The following SLC25A25 variants were observed in gnomAD, a reference collection of about 807,000 sequenced individuals.
SLC25A25 encodes the protein solute carrier family 25 member 25, also known as mitochondrial adenyl nucleotide antiporter SLC25A25.
SLC25A25 carries 32 observed loss-of-function variants against 57.7 expected under a neutral mutation model. The ratio of observed to expected loss-of-function variants is 0.55; its 90% CI spans 0.42 to 0.74. The LOEUF is 0.74. Among genes scored for constraint, SLC25A25 ranks in the 30% least tolerant of loss-of-function variants. The pLI, the probability that SLC25A25 is intolerant of heterozygous loss-of-function variation, is 0.00. For synonymous variants in SLC25A25, 306 were observed against 291.2 expected (o/e 1.05, Z -0.52); for missense variants, 556 against 701.3 (o/e 0.79, Z 2.34).
chr9:128,100,072 T>G (rs1481026099), intron 1 of SLC25A25, among the ~76,000 whole-genome samples: 1 of 152,104 alleles, frequency 6.6e-6, no homozygotes, highest in Non-Finnish European at 1.5e-5. Flanking sequence ...CGGCCCAACT[T>G]GCATCCCGCC....
Position 128,102,316 on chromosome 9 carries a change from G to A in SLC25A25, c.513-54G>A. ...TTGGCTCACTGGGAGGTGGGGGGAT[G>A]CAGCTGGCGGATGGGCATGTGGGCA... On this transcript the variant is annotated intron_variant, in intron 4 of 10. Transcript: ENST00000373069. This position sits in a 1 kb window ranked among gnomAD's most constrained non-coding sequence, Gnocchi z 4.1. The A allele has an allele frequency of 6.6e-7, 1 of 1,522,326 alleles. No homozygotes were observed. Among genetic ancestry groups the A allele is most frequent in the Non-Finnish European group, 9.1e-7 (1 of 1,100,582 alleles). The allele number at this position is 1,522,326 out of a possible 1,614,324, so 94.3% of individuals were successfully genotyped here.
rs192782064 is a variant in SLC25A25, at chr9:128,103,433, C to T, written c.625-248C>T. 4.6e-5 allele frequency among the ~76,000 whole-genome samples: 7 copies of T among 152,308 alleles called. No homozygotes were observed. Among genetic ancestry groups the T allele is most frequent in the Non-Finnish European group, 8.8e-5 (6 of 68,022 alleles). Reference sequence around the variant, plus strand: ...AAGGGCCGGTGAATGGTTTTCTAACCGGCACCTCCCGGCTGTGTTCAGCTG... The same window carrying T: ...AAGGGCCGGTGAATGGTTTTCTAACTGGCACCTCCCGGCTGTGTTCAGCTG... On this transcript the variant is annotated intron_variant, in intron 5 of 10. Coordinates refer to ENST00000373069, the MANE Select transcript of SLC25A25 (RefSeq NM_001330988.2). This position sits in a 1 kb window ranked among gnomAD's most constrained non-coding sequence, Gnocchi z 6.7.
At chr9:128,082,465 C>T (rs7036499) in intron 1 of SLC25A25, among the ~76,000 whole-genome samples, 112,919 of 151,954 alleles carry the variant, frequency 0.74, 43,773 homozygotes, top group Non-Finnish European at 0.85. Context: ...TTTCCGTTGG[C>T]TGATTGGTTC....
intron 1 of SLC25A25, among the ~76,000 whole-genome samples, chr9:128,072,345 A>G (rs1832925078): frequency 6.6e-6 from 1 of 152,190 alleles, no homozygotes; most frequent in Non-Finnish European, 1.5e-5. Context: ...GTCATCTGCC[A>G]TGGGAATAGA....
Position 128,101,934 on chromosome 9 carries a change from G to A in SLC25A25, c.477-146G>A. 3 of 939,756 alleles carry A rather than the reference G, an allele frequency of 3.2e-6. No homozygotes were observed. Among genetic ancestry groups the A allele is most frequent in the Non-Finnish European group, 3.3e-6 (2 of 606,398 alleles). 58.2% of individuals were successfully genotyped at this position (939,756 alleles called of 1,614,324 possible). On this transcript the variant is annotated intron_variant, in intron 3 of 10. Coordinates refer to ENST00000373069, the MANE Select transcript of SLC25A25 (RefSeq NM_001330988.2). This position sits in a 1 kb window ranked among gnomAD's most constrained non-coding sequence, Gnocchi z 4.9. ...CACTGGCTGGTCCTCGGGGACAGCA[G>A]CCCTGGGCTCAGCTGCTGTGGCGGG...
chr9:128,086,586 G>C (rs983501735), intron 1 of SLC25A25, among the ~76,000 whole-genome samples: 2 of 152,048 alleles, frequency 1.3e-5, no homozygotes, highest in Non-Finnish European at 2.9e-5. Context: ...ACCCGCCTCG[G>C]CCTCCCAAAG....
At position 128,102,493 on chromosome 9, in the gene SLC25A25, G is replaced by T; in HGVS notation, c.624+12G>T. 1 of 1,606,332 alleles carries T rather than the reference G, an allele frequency of 6.2e-7. No homozygotes were observed. The highest frequency in any genetic ancestry group is 8.5e-7 in the Non-Finnish European group (1 of 1,173,940). ...GGAAGCATTCCACGGTGAGCCCCAC[G>T]TGCCCAGGGCCCTCATCTGCTCCCA... On this transcript the variant is annotated intron_variant, in intron 5 of 10. Coordinates refer to ENST00000373069, the MANE Select transcript of SLC25A25 (RefSeq NM_001330988.2). This position sits in a 1 kb window ranked among gnomAD's most constrained non-coding sequence, Gnocchi z 4.1.
In SLC25A25 at chr9:128,103,638, C is replaced by T. The variant is rs1325510916; in HGVS notation, c.625-43C>T. On this transcript the variant is annotated intron_variant, in intron 5 of 10. Coordinates refer to ENST00000373069, the MANE Select transcript of SLC25A25 (RefSeq NM_001330988.2). The surrounding 1 kb of genome is among the most constrained non-coding windows in gnomAD (Gnocchi z 6.7). ...ACGGCGACAGGTGCCAGCAGCCTTG[C>T]CCCAAGGGTCCTGAGTCAGGCTTGT... 6.2e-7 allele frequency: 1 copy of T among 1,613,652 alleles called. No homozygotes were observed. The highest frequency in any genetic ancestry group is 2.2e-5 in the East Asian group (1 of 44,874).
rs1229361533 is a variant in SLC25A25, at chr9:128,101,440, AG to A, written c.476+47del. The A allele has an allele frequency of 6.2e-7, 1 of 1,601,490 alleles. No homozygotes were observed. The highest frequency in any genetic ancestry group is 8.5e-7 in the Non-Finnish European group (1 of 1,170,426). On this transcript the variant is annotated intron_variant, in intron 3 of 10. Transcript: ENST00000373069. This position sits in a 1 kb window ranked among gnomAD's most constrained non-coding sequence, Gnocchi z 4.9. ...TCTGTGTTTGGTTTAAGTGTGATGA[AG>A]GGAAGGCTCTGAGACTAACCCTCCG...
Position 128,102,612 on chromosome 9 carries a change from C to T in SLC25A25, c.624+131C>T. On this transcript the variant is annotated intron_variant, in intron 5 of 10. Transcript: ENST00000373069. The surrounding 1 kb of genome is among the most constrained non-coding windows in gnomAD (Gnocchi z 4.1). The stretch of plus-strand genomic sequence containing the variant: ...CCTCTTCCACAGGAGACTGTCCCCT[C>T]TTCTGCCAGCCCAGTAGAGCTGTCC... 4.4e-6 allele frequency: 3 copies of T among 687,770 alleles called. No individual in the cohort carries two copies. In the South Asian group the frequency reaches 5.5e-5, roughly 13 times the overall value. The allele number at this position is 687,770 out of a possible 1,614,324, so 42.6% of individuals were successfully genotyped here.
rs7047373 is a variant in SLC25A25 at position 128,095,883 on chromosome 9, C to A, written c.262-5213C>A. 0.028 allele frequency among the ~76,000 whole-genome samples: 4,297 copies of A among 152,230 alleles called. 201 individuals carry two copies. The highest frequency in any genetic ancestry group is 0.098 in the African/African-American group (4,066 of 41,516). ...AGTATCATTTTCAAATCTCAGATTT[C>A]TTTTGTTAAATACATTATAAAACTC... On this transcript the variant is annotated intron_variant, in intron 1 of 10. Transcript: ENST00000373069. The surrounding 1 kb of genome is among the most constrained non-coding windows in gnomAD (Gnocchi z 4.4).
chr9:128,102,687 T>G lies in SLC25A25; in HGVS notation c.624+206T>G, dbSNP rs1833855119. Among the ~76,000 whole-genome samples the G allele has an allele frequency of 6.6e-6, 1 of 152,148 alleles. No individual in the cohort carries two copies. The highest frequency in any genetic ancestry group is 1.5e-5 in the Non-Finnish European group (1 of 68,014). Reference sequence around the variant, plus strand: ...CCAGCCAACCTGAACAGCCCCATCGTTCACACACACAGGCTTCCTCTTCCA... The same window carrying G: ...CCAGCCAACCTGAACAGCCCCATCGGTCACACACACAGGCTTCCTCTTCCA... On this transcript the variant is annotated intron_variant, in intron 5 of 10. Coordinates refer to ENST00000373069, the MANE Select transcript of SLC25A25 (RefSeq NM_001330988.2). The surrounding 1 kb of genome is among the most constrained non-coding windows in gnomAD (Gnocchi z 4.1).
At chr9:128,075,781 T>C (rs1416785664) in intron 1 of SLC25A25, among the ~76,000 whole-genome samples, 1 of 151,736 alleles carries the variant, frequency 6.6e-6, no homozygotes, top group Admixed American at 6.6e-5. Flanking sequence ...GAGGCGGAGG[T>C]TGCAGTGAGC....
At position 128,099,178 on chromosome 9, in the gene SLC25A25, C is replaced by CT; in HGVS notation, c.262-1917dup. ...CTCAGACATCGCTGTGGAACAGGGC[C>CT]TGTGTCTGCCCTGAAAGTGAGGAAG... On this transcript the variant is annotated intron_variant, in intron 1 of 10. Transcript: ENST00000373069. The surrounding 1 kb of genome is among the most constrained non-coding windows in gnomAD (Gnocchi z 6.8). The CT allele has an allele frequency of 7.9e-7, 1 of 1,259,126 alleles. No homozygotes were observed. The highest frequency in any genetic ancestry group is 1.3e-5 in the South Asian group (1 of 76,204). 78.0% of individuals were successfully genotyped at this position (1,259,126 alleles called of 1,614,324 possible).
chr9:128,081,643 A>G (rs1833157921), intron 1 of SLC25A25, among the ~76,000 whole-genome samples: 1 of 152,100 alleles, frequency 6.6e-6, no homozygotes, highest in South Asian at 2.1e-4. Flanking sequence ...AAGAAGAGAA[A>G]TTAGGCCGGG....
At chr9:128,081,425 T>A (rs1833153819) in intron 1 of SLC25A25, among the ~76,000 whole-genome samples, 1 of 152,172 alleles carries the variant, frequency 6.6e-6, no homozygotes, top group Admixed American at 6.6e-5. Context: ...AAGGAGAGGA[T>A]AAGGACAGGG....
chr9:128,098,884 G>C, intron 1 of SLC25A25: 2 of 985,446 alleles, frequency 2.0e-6, no homozygotes, highest in Non-Finnish European at 2.4e-6. Context: ...GCACGTGTAC[G>C]TCACAGGAGT....
chr9:128,074,036 GAGA>G (rs1463643557), intron 1 of SLC25A25, among the ~76,000 whole-genome samples: 2 of 149,814 alleles, frequency 1.3e-5, no homozygotes, highest in African/African-American at 4.9e-5. Context: ...GCCTGTCCTT[GAGA>G]AGATTTTTTT....
In SLC25A25 at chr9:128,106,954, C is replaced by T. The variant is rs1834066687; in HGVS notation, c.1213-75C>T. 2.6e-6 allele frequency: 4 copies of T among 1,541,770 alleles called. No homozygotes were observed. The Admixed American group carries it at 7.0e-5, about 27-fold the overall frequency. The stretch of plus-strand genomic sequence containing the variant: ...CAGTCGGGTTCCAGTGGCCTGAGGA[C>T]CCAGTAACAGCCCCGTCTCTTGCTG... On this transcript the variant is annotated intron_variant, in intron 9 of 10. Transcript: ENST00000373069.
Sources: gnomAD v4.1 joint callset for allele counts (sites outside exome capture counted in the v4.1 genomes callset) on GRCh38, gnomAD v4.1.1 for gene constraint, Gnocchi (gnomAD v3.1) non-coding constraint, MANE v1.5 for transcripts, NCBI Gene and HGNC (gene_info 2026-07-23, HGNC 2026-07-21) for gene names.